Variants in WASHC2A observed in about 807,000 individuals in gnomAD.
WASHC2A encodes the protein WASH complex subunit 2A, also known as WASH complex subunit FAM21A.
WASHC2A carries 82 observed loss-of-function variants against 140.3 expected under a neutral mutation model. The ratio of observed to expected loss-of-function variants is 0.58; its 90% CI spans 0.49 to 0.70. WASHC2A has a LOEUF of 0.70. Among genes scored for constraint, WASHC2A ranks in the 30% least tolerant of loss-of-function variants. WASHC2A has a pLI of 0.00. For synonymous variants in WASHC2A, 340 were observed against 560.8 expected, an observed-to-expected ratio of 0.61 and a Z score of 5.56; for missense variants, 985 against 1,521.8, an observed-to-expected ratio of 0.65 and a Z score of 5.87.
intron 29 of WASHC2A, 117 bp from the exon 30 acceptor site, chr10:50,130,784 T>C: frequency 6.7e-7 from 1 of 1,500,946 alleles, no homozygotes; most frequent in Non-Finnish European, 9.0e-7. Context: ...GAGTGGGCAG[T>C]CTCGAGGCTG....
In WASHC2A at chr10:50,076,121, T is replaced by TC. The variant is rs1361702786; in HGVS notation, c.292-2553dup. ...GTAAAGATGGGGTTTTGCCATGGTT[T>TC]CACCATGTTGGCCAGGCTGGTCTCA... is the stretch of plus-strand genomic sequence containing the variant. On this transcript the variant is annotated intron_variant, in intron 3 of 30. Coordinates refer to ENST00000282633, the MANE Select transcript of WASHC2A (RefSeq NM_001005751.3). 2.6e-5 allele frequency among the ~76,000 whole-genome samples: 4 copies of TC among 152,100 alleles called. No individual in the cohort carries two copies. The East Asian group carries it at 7.7e-4, about 29-fold the overall frequency.
intron 17 of WASHC2A, among the ~76,000 whole-genome samples, chr10:50,103,197 A>G (rs1190073053): frequency 6.6e-6 from 1 of 152,074 alleles, no homozygotes; most frequent in South Asian, 2.1e-4. Context: ...TTGCAATGTC[A>G]TATACCTATA....
chr10:50,133,151 G>T lies in WASHC2A; in HGVS notation c.*206G>T. 1.4e-6 allele frequency: 1 copy of T among 700,008 alleles called. No individual in the cohort carries two copies. The highest frequency in any genetic ancestry group is 2.4e-6 in the Non-Finnish European group (1 of 414,934). 43.4% of individuals were successfully genotyped at this position (700,008 alleles called of 1,614,324 possible). On this transcript the variant is annotated 3_prime_UTR_variant, in exon 31 of 31. Coordinates refer to ENST00000282633, the MANE Select transcript of WASHC2A (RefSeq NM_001005751.3). ...AAAAATAAATATTTCACAGTGGTTG[G>T]TTTGTTTTGTTTTTAAACCACAGTT...
chr10:50,078,563 A>G (rs1483700724), intron 3 of WASHC2A, 112 bp from the exon 4 acceptor site: 1 of 1,609,480 alleles, frequency 6.2e-7, no homozygotes, highest in Non-Finnish European at 8.5e-7. Context: ...CCTTTGCTGA[A>G]TAACCATTTC....
At chr10:50,099,424 C>A (rs1554885820) in intron 16 of WASHC2A, among the ~76,000 whole-genome samples, 2 of 150,944 alleles carry the variant, frequency 1.3e-5, no homozygotes, top group Non-Finnish European at 3.0e-5. Context: ...CGTGCGCCAC[C>A]ATGCCCGGCT....
intron 23 of WASHC2A, among the ~76,000 whole-genome samples, chr10:50,124,872 A>ATATG (rs1843296686): frequency 6.6e-6 from 1 of 151,720 alleles, no homozygotes; most frequent in South Asian, 2.1e-4. Context: ...GCTTGTGCAT[A>ATATG]TATATATATG....
chr10:50,076,837 G>A (rs1461629502), intron 3 of WASHC2A, among the ~76,000 whole-genome samples: 1 of 150,614 alleles, frequency 6.6e-6, no homozygotes, highest in Middle Eastern at 3.2e-3. Context: ...AAAAATGCAG[G>A]CCGGGCATGG....
At chr10:50,109,519 C>T (rs1331605139) in intron 19 of WASHC2A, among the ~76,000 whole-genome samples, 12 of 152,002 alleles carry the variant, frequency 7.9e-5, no homozygotes, top group Admixed American at 3.9e-4. Context: ...ATAGACAAGT[C>T]GCTTGTCGTA....
At chr10:50,081,721 C>T (rs1440458042) in intron 5 of WASHC2A, among the ~76,000 whole-genome samples, 1 of 151,862 alleles carries the variant, frequency 6.6e-6, no homozygotes, top group Non-Finnish European at 1.5e-5. Context: ...CAACCTCTGC[C>T]TCCTGGGTTC....
rs1272709337 is a variant in WASHC2A at position 50,088,291 on chromosome 10, A to T, written c.732+969A>T. ...TTTTCTTTTCTTTTTTTTGAGACAGAGTCTCGCTCTGTTGCCTAGGCTGGA... is the reference window on the plus strand; with the variant it reads ...TTTTCTTTTCTTTTTTTTGAGACAGTGTCTCGCTCTGTTGCCTAGGCTGGA... On this transcript the variant is annotated intron_variant, in intron 8 of 30. Transcript: ENST00000282633. Among the ~76,000 whole-genome samples, 7 of 145,604 alleles carry T rather than the reference A, an allele frequency of 4.8e-5. 1 individual carries two copies. The highest frequency in any genetic ancestry group is 7.1e-3 in the Middle Eastern group (2 of 280).
intron 21 of WASHC2A, 77 bp from the exon 22 acceptor site, chr10:50,117,829 G>T: frequency 2.6e-6 from 2 of 775,432 alleles, no homozygotes; most frequent in South Asian, 3.4e-5. Context: ...GATGGTTTGG[G>T]CTTGTTCTGT....
chr10:50,108,897 A>C lies in WASHC2A; in HGVS notation c.1870-1204A>C, dbSNP rs1314117555. ...ACTCTGTCTCGAAAAAGGAAAAAAA[A>C]AAAAAAAAAAAAAAAGAAGACCTGA... On this transcript the variant is annotated intron_variant, in intron 19 of 30. Transcript: ENST00000282633. Among the ~76,000 whole-genome samples the C allele has an allele frequency of 7.3e-5, 11 of 150,590 alleles. No homozygotes were observed. In the East Asian group the frequency reaches 2.1e-3, roughly 29 times the overall value.
chr10:50,129,611 G>C lies in WASHC2A; in HGVS notation c.3280G>C (p.Glu1094Gln). 4 of 1,612,090 alleles carry C rather than the reference G, an allele frequency of 2.5e-6. No individual in the cohort carries two copies. Among genetic ancestry groups the C allele is most frequent in the Non-Finnish European group, 3.4e-6 (4 of 1,179,874 alleles). Reference sequence around the variant, plus strand: ...AGCCAGTGGAGAAGACAGCACTGAGGAGGCCCTGGCAGCTGCCGCTGCACC... The same window carrying C: ...AGCCAGTGGAGAAGACAGCACTGAGCAGGCCCTGGCAGCTGCCGCTGCACC... ...RAASGEDSTE[E>Q]ALAAAAAPWE... The change falls in exon 29 of 31, where the codon GAG becomes CAG. Residue 1094 changes from glutamate to glutamine, a missense_variant. Physicochemically the swap from Glu to Gln is conservative, Grantham distance 29. Transcript: ENST00000282633.
At chr10:50,087,142 A>G in intron 7 of WASHC2A, 133 bp from the exon 8 acceptor site, 1 of 1,198,508 alleles carries the variant, frequency 8.3e-7, no homozygotes, top group Middle Eastern at 1.9e-4. Flanking sequence ...TAGTCAGTAC[A>G]AAGAGACTGA....
At chr10:50,124,165 C>T (rs1200611062) in intron 23 of WASHC2A, among the ~76,000 whole-genome samples, 1 of 152,122 alleles carries the variant, frequency 6.6e-6, no homozygotes, top group South Asian at 2.1e-4. Flanking sequence ...AGTGCAGTGG[C>T]GTGATCTCGG....
chr10:50,100,171 T>C (rs1554886293), intron 17 of WASHC2A, 107 bp downstream of exon 17: 1 of 1,455,622 alleles, frequency 6.9e-7, no homozygotes, highest in East Asian at 2.5e-5. Context: ...TTTTGTTAAG[T>C]ACTCCAGTTC....
Position 50,095,479 on chromosome 10 carries a change from G to C in WASHC2A, c.1241-120G>C, listed in dbSNP as rs1840392457. Reference sequence around the variant, plus strand: ...TAATGGATGGAGGCTATTGGGCCCTGTTATGCATTTTGTGGATTAACTGAA... The same window carrying C: ...TAATGGATGGAGGCTATTGGGCCCTCTTATGCATTTTGTGGATTAACTGAA... On this transcript the variant is annotated intron_variant, in intron 14 of 30. Transcript: ENST00000282633. 8.6e-6 allele frequency: 12 copies of C among 1,402,066 alleles called. No homozygotes were observed. The South Asian group carries it at 8.7e-5, about 10-fold the overall frequency. 86.9% of individuals were successfully genotyped at this position (1,402,066 alleles called of 1,614,324 possible).
At chr10:50,076,741 G>T (rs1331900749) in intron 3 of WASHC2A, among the ~76,000 whole-genome samples, 1 of 151,908 alleles carries the variant, frequency 6.6e-6, no homozygotes, top group African/African-American at 2.4e-5. Flanking sequence ...ACTTTGGGAG[G>T]CCAAGGCCGA....
At chr10:50,113,430 G>A (rs1842444079) in intron 20 of WASHC2A, among the ~76,000 whole-genome samples, 2 of 151,468 alleles carry the variant, frequency 1.3e-5, no homozygotes, top group African/African-American at 2.4e-5. Context: ...TCTCAATAAC[G>A]CTACTAAAAA....
Sources: allele counts gnomAD v4.1 joint callset (sites outside exome capture counted in the v4.1 genomes callset), GRCh38; gene constraint gnomAD v4.1.1; transcripts MANE v1.5; gene names NCBI Gene and HGNC (gene_info 2026-07-23, HGNC 2026-07-21).